Variants in ZPLD1 observed in about 807,000 individuals in gnomAD.
ZPLD1 encodes zona pellucida like domain containing 1.
ZPLD1 carries 34 observed loss-of-function variants against 47.2 expected under a neutral mutation model. That is an observed-to-expected ratio of 0.72 (90% CI 0.55 to 0.96). The LOEUF is 0.96. Ranked by LOEUF, ZPLD1 falls within the 40% of genes least tolerant of loss-of-function variation. ZPLD1 has a pLI of 0.00. For synonymous variants in ZPLD1, 176 were observed against 186.2 expected, an observed-to-expected ratio of 0.95 and a Z score of 0.45; for missense variants, 512 against 505.8, an observed-to-expected ratio of 1.01 and a Z score of -0.12.
rs1707660643 is a variant in ZPLD1 at position 102,470,323 on chromosome 3, C to T, written c.934-71C>T. The T allele has an allele frequency of 4.3e-6, 5 of 1,168,052 alleles. No homozygotes were observed. The South Asian group carries it at 6.4e-5, about 15-fold the overall frequency. 72.4% of individuals were successfully genotyped at this position (1,168,052 alleles called of 1,614,324 possible). ...GTGGTATCTCTTCCAAAAGAATCTG[C>T]TTTCCAAATGGCCATAAAGAAACAA... On this transcript the variant is annotated intron_variant, in intron 9 of 11. Coordinates refer to ENST00000466937, the MANE Select transcript of ZPLD1 (RefSeq NM_001329788.2).
At chr3:102,425,656 G>A (rs902571409) in intron 8 of ZPLD1, among the ~76,000 whole-genome samples, 2 of 151,976 alleles carry the variant, frequency 1.3e-5, no homozygotes, top group African/African-American at 4.8e-5. Context: ...TGAAAGTTGT[G>A]TTTAGCGTTA....
intron 10 of ZPLD1, among the ~76,000 whole-genome samples, chr3:102,471,288 A>T (rs1441613823): frequency 6.6e-6 from 1 of 152,172 alleles, no homozygotes. Context: ...TTCTCTCCCT[A>T]GAACTACTCT....
chr3:102,393,539 T>C (rs1217131439), intron 7 of ZPLD1, among the ~76,000 whole-genome samples: 1 of 152,046 alleles, frequency 6.6e-6, no homozygotes, highest in Non-Finnish European at 1.5e-5. Context: ...TGTCAGTGAA[T>C]TGGGGAATGG....
chr3:102,462,415 C>G, intron 7 of ZPLD1, 37 bp downstream of exon 7: 1 of 1,394,564 alleles, frequency 7.2e-7, no homozygotes, highest in Non-Finnish European at 1.0e-6. Flanking sequence ...GGTTAAAACT[C>G]TTTGACTGCC....
chr3:102,459,783 T>C (rs1266057623), intron 6 of ZPLD1, among the ~76,000 whole-genome samples: 1 of 152,130 alleles, frequency 6.6e-6, no homozygotes, highest in African/African-American at 2.4e-5. Flanking sequence ...TTTTTTTCTA[T>C]TATTTACATC....
chr3:102,412,908 T>G (rs1336279842), intron 7 of ZPLD1, among the ~76,000 whole-genome samples: 1 of 151,594 alleles, frequency 6.6e-6, no homozygotes, highest in Non-Finnish European at 1.5e-5. Context: ...TAGAAGAGAT[T>G]CAAGCATTGA....
chr3:102,452,710 A>G (rs904324159), intron 3 of ZPLD1, among the ~76,000 whole-genome samples: 2 of 152,128 alleles, frequency 1.3e-5, no homozygotes, highest in Non-Finnish European at 2.9e-5. Context: ...TAATCTCTAC[A>G]CTCAAAGATC....
intron 7 of ZPLD1, among the ~76,000 whole-genome samples, chr3:102,405,852 A>G (rs2107295161): frequency 6.6e-6 from 1 of 152,054 alleles, no homozygotes; most frequent in South Asian, 2.1e-4. Flanking sequence ...CCAGCCGGTG[A>G]CCTTGGATCT....
chr3:102,430,133 C>T (rs1472484974), upstream of ZPLD1, among the ~76,000 whole-genome samples: 1 of 152,188 alleles, frequency 6.6e-6, no homozygotes, highest in African/African-American at 2.4e-5. Flanking sequence ...TTCTGGCCCT[C>T]TCCTCCTAGC....
At chr3:102,438,734 CA>C in intron 3 of ZPLD1, 141 bp downstream of exon 3, 1 of 553,162 alleles carries the variant, frequency 1.8e-6, no homozygotes, top group Non-Finnish European at 3.2e-6. Flanking sequence ...AATGACAAGA[CA>C]TTTTTCTGGA....
upstream of ZPLD1, among the ~76,000 whole-genome samples, chr3:102,431,389 T>A (rs542527987): frequency 1.3e-5 from 2 of 152,352 alleles, no homozygotes; most frequent in East Asian, 3.9e-4. Flanking sequence ...GGTGTGTTTT[T>A]TTCTTTATTT....
intron 9 of ZPLD1, 26 bp from the exon 10 acceptor site, chr3:102,470,368 T>C (rs1285914450): frequency 6.3e-7 from 1 of 1,592,650 alleles, no homozygotes; most frequent in Non-Finnish European, 8.6e-7. Context: ...GGTGTGGAAT[T>C]TCATTTGTTT....
intron 6 of ZPLD1, among the ~76,000 whole-genome samples, chr3:102,390,995 T>A (rs1706489042): frequency 6.6e-6 from 1 of 152,116 alleles, no homozygotes; most frequent in Admixed American, 6.5e-5. Flanking sequence ...CTAAGTAAAT[T>A]TTTAGTCTCC....
intron 6 of ZPLD1, among the ~76,000 whole-genome samples, chr3:102,390,283 C>A (rs1326709325): frequency 6.6e-6 from 1 of 152,302 alleles, no homozygotes; most frequent in Admixed American, 6.5e-5. Context: ...AGCTTCCCAA[C>A]TTTTACCCCC....
chr3:102,409,001 A>G (rs1706722133), intron 7 of ZPLD1, among the ~76,000 whole-genome samples: 1 of 151,836 alleles, frequency 6.6e-6, no homozygotes. Context: ...GAATACACAA[A>G]TGTTGACAAA....
intron 8 of ZPLD1, among the ~76,000 whole-genome samples, chr3:102,464,565 G>A (rs1031130559): frequency 3.9e-5 from 6 of 152,090 alleles, no homozygotes; most frequent in Admixed American, 6.6e-5. Context: ...GATATTATTC[G>A]CAGGAAAAGA....
At chr3:102,420,013 G>A (rs1230490913) in intron 8 of ZPLD1, among the ~76,000 whole-genome samples, 1 of 151,688 alleles carries the variant, frequency 6.6e-6, no homozygotes, top group Non-Finnish European at 1.5e-5. Context: ...GTAGCTGGAA[G>A]CCAGACACAA....
upstream of ZPLD1, among the ~76,000 whole-genome samples, chr3:102,433,807 G>A (rs918151467): frequency 3.3e-5 from 5 of 152,178 alleles, no homozygotes; most frequent in Admixed American, 6.5e-5. Context: ...GAGATTATAG[G>A]CGTGAGCCAC....
Position 102,470,513 on chromosome 3 carries a change from T to C in ZPLD1, c.1042+11T>C, listed in dbSNP as rs1293124609. ...TCATTACTCGGAGTGGTAAGTGTGC[T>C]CCTCCTTCTGTATGTAGTAATAGAC... On this transcript the variant is annotated intron_variant, in intron 10 of 11. Transcript: ENST00000466937. The C allele has an allele frequency of 6.2e-7, 1 of 1,609,818 alleles. No individual in the cohort carries two copies.
Sources: allele counts gnomAD v4.1 joint callset (sites outside exome capture counted in the v4.1 genomes callset), GRCh38; gene constraint gnomAD v4.1.1; transcripts MANE v1.5; gene names NCBI Gene and HGNC (gene_info 2026-07-23, HGNC 2026-07-21).